The following TRRAP variants were observed in gnomAD, a reference collection of about 807,000 sequenced individuals.
TRRAP encodes the protein transformation/transcription domain associated protein.
A neutral mutation model predicts 438.8 loss-of-function variants in TRRAP; 41 were observed. The ratio of observed to expected loss-of-function variants is 0.09; its 90% CI spans 0.07 to 0.12. The LOEUF (loss-of-function observed/expected upper bound fraction) is 0.12, where lower values mean the gene tolerates loss of function less well. Ranked by LOEUF, TRRAP falls within the 10% of genes least tolerant of loss-of-function variation. TRRAP has a pLI of 1.00. For synonymous variants in TRRAP, 1,994 were observed against 1,962.9 expected (o/e 1.02, Z -0.42); for missense variants, 3,122 against 5,055.1 (o/e 0.62, Z 11.60).
Position 98,956,636 on chromosome 7 carries a change from G to A in TRRAP, c.6231+103G>A, listed in dbSNP as rs563480042. 428 of 1,503,618 alleles carry A rather than the reference G, an allele frequency of 2.8e-4. No individual in the cohort carries two copies. In the African/African-American group the frequency reaches 4.0e-3, roughly 14 times the overall value. The allele number at this position is 1,503,618 out of a possible 1,614,324, so 93.1% of individuals were successfully genotyped here. A position where few individuals can be genotyped will look rare whatever the true frequency, so the allele number is the denominator to read the frequency against. The stretch of plus-strand genomic sequence containing the variant: ...GAGCTCGGTGCTCAGCTGCATTCAG[G>A]AGAGGAAGCTGGGAACAGCCACGGT... On this transcript the variant is annotated intron_variant, in intron 43 of 72. Coordinates refer to ENST00000456197, the MANE Select transcript of TRRAP (RefSeq NM_001375524.1). The surrounding 1 kb of genome is among the most constrained non-coding windows in gnomAD (Gnocchi z 4.5).
At position 98,981,758 on chromosome 7, in the gene TRRAP, T is replaced by C. The variant is rs1419708693; in HGVS notation, c.8635-11T>C. On this transcript the variant is annotated splice_polypyrimidine_tract_variant and intron_variant, in intron 58 of 72. Transcript: ENST00000456197. The stretch of plus-strand genomic sequence containing the variant: ...CCCCTCACGTCCTGTGTCACGTTCT[T>C]TCACTGCCAGGTGGAAGTGAGCTGT... The C allele has an allele frequency of 1.3e-6, 2 of 1,595,292 alleles. No individual in the cohort carries two copies. The highest frequency in any genetic ancestry group is 3.5e-5 in the Admixed American group (2 of 56,824).
Position 98,990,458 on chromosome 7 carries a change from C to G in TRRAP, c.9595C>G (p.Leu3199Val), listed in dbSNP as rs779523193. Residue 3199 changes from leucine (L) to valine (V), a missense_variant, in exon 64 of 73, where the codon CTG (leucine) becomes GTG (valine). Physicochemically the swap from Leu to Val is conservative, Grantham distance 32. Transcript: ENST00000456197. ...AGAATTTCTCCTTCTGTCTCAGGTG[C>G]TGTGGCTTTTGAGTTTTGATGATGA... ...SKSRKYLAKV[L>V]WLLSFDDDKN... The G allele has an allele frequency of 1.9e-6, 3 of 1,612,446 alleles. No individual in the cohort carries two copies. The highest frequency in any genetic ancestry group is 1.7e-5 in the Admixed American group (1 of 59,990).
At chr7:99,003,426 A>G (rs1366502453) in intron 67 of TRRAP, among the ~76,000 whole-genome samples, 3 of 152,096 alleles carry the variant, frequency 2.0e-5, no homozygotes, top group African/African-American at 7.2e-5. Context: ...CAGCTTTGAC[A>G]CGAGACCTAG....
intron 65 of TRRAP, among the ~76,000 whole-genome samples, chr7:98,993,143 T>C (rs1038429368): frequency 6.6e-6 from 1 of 152,196 alleles, no homozygotes; most frequent in African/African-American, 2.4e-5. Context: ...GTGTAACAGA[T>C]TGTGAGATAT....
At chr7:98,965,507 C>T (rs1792111599) in intron 48 of TRRAP, among the ~76,000 whole-genome samples, 189 bp from the exon 49 acceptor site, 1 of 152,228 alleles carries the variant, frequency 6.6e-6, no homozygotes, top group East Asian at 1.9e-4. Flanking sequence ...CCTCTCCCTG[C>T]AGAGAGGGCT....
At chr7:98,927,822 T>C (rs1309573850) in intron 23 of TRRAP, among the ~76,000 whole-genome samples, 2 of 152,046 alleles carry the variant, frequency 1.3e-5, no homozygotes, top group Non-Finnish European at 2.9e-5. Flanking sequence ...CATTCTGCTG[T>C]TCCTCCTGCC....
chr7:98,959,392 C>T lies in TRRAP; in HGVS notation c.6391C>T (p.Arg2131Cys), dbSNP rs775335965. 111 of 1,614,022 alleles carry T rather than the reference C, an allele frequency of 6.9e-5. No individual in the cohort carries two copies. The highest frequency in any genetic ancestry group is 6.9e-5 in the Non-Finnish European group (81 of 1,180,046). Residue 2131 changes from arginine (R) to cysteine (C), a missense_variant, in exon 45 of 73, where the codon CGC becomes TGC. This residue lies in a region of TRRAP where 992 missense variants were observed against 1,281.2 expected (regional missense o/e 0.77). Coordinates refer to ENST00000456197, the MANE Select transcript of TRRAP (RefSeq NM_001375524.1). ...GGGGTCCCCTGGGGAGGTGCTCTCT[C>T]GCCGGTGTGTGAACCTTCTGAAGAC... Reference protein sequence around the residue: ...TAGSPGEVLSRRCVNLLKTAL... With the variant: ...TAGSPGEVLSCRCVNLLKTAL...
At chr7:98,936,769 GA>G (rs1554414352) in intron 28 of TRRAP, among the ~76,000 whole-genome samples, 2 of 152,154 alleles carry the variant, frequency 1.3e-5, no homozygotes, top group African/African-American at 4.8e-5. Context: ...CTTCTCATCT[GA>G]AGACGTAAGA....
At chr7:98,983,997 ATGTG>A in intron 60 of TRRAP, 92 bp from the exon 61 acceptor site, 1 of 1,400,888 alleles carries the variant, frequency 7.1e-7, no homozygotes, top group Non-Finnish European at 9.5e-7. Flanking sequence ...TTCATAAGCC[ATGTG>A]TGTGTGTGTT....
chr7:98,961,533 G>A (rs974295835), intron 46 of TRRAP, 59 bp downstream of exon 46: 2 of 1,579,768 alleles, frequency 1.3e-6, no homozygotes, highest in African/African-American at 1.3e-5. Flanking sequence ...CGCGGAGCTT[G>A]CTATGAGAGC....
chr7:98,940,573 A>G (rs1790755332), intron 30 of TRRAP, among the ~76,000 whole-genome samples: 1 of 152,150 alleles, frequency 6.6e-6, no homozygotes, highest in Non-Finnish European at 1.5e-5. Context: ...TAATGTCTGT[A>G]GTTTCTGACC....
chr7:98,911,873 C>T (rs1031716102), intron 17 of TRRAP, 149 bp from the exon 18 acceptor site: 2 of 654,628 alleles, frequency 3.1e-6, no homozygotes, highest in Admixed American at 3.0e-5. Context: ...TCAGTAAACC[C>T]GTTTCATTTT....
In TRRAP at chr7:98,978,278, C is replaced by G; in HGVS notation, c.8453C>G (p.Pro2818Arg). Residue 2818 changes from proline (P) to arginine (R), a missense_variant, in exon 57 of 73, where the codon CCT becomes CGT. Coordinates refer to ENST00000456197, the MANE Select transcript of TRRAP (RefSeq NM_001375524.1). ...GAACATGAGAGGAGTAACGCCTCCC[C>G]TGCTATTTTCCCTGAATACCAGCTC... ...KKEHERSNAS[P>R]AIFPEYQLWE... 1 of 1,614,174 alleles carries G rather than the reference C, an allele frequency of 6.2e-7. No individual in the cohort carries two copies. The highest frequency in any genetic ancestry group is 8.5e-7 in the Non-Finnish European group (1 of 1,180,042).
At chr7:98,882,570 T>G (rs1364701867) in intron 3 of TRRAP, among the ~76,000 whole-genome samples, 1 of 149,608 alleles carries the variant, frequency 6.7e-6, no homozygotes, top group Admixed American at 6.6e-5. Context: ...ACCATGTTGG[T>G]CAGGCTGGCC....
intron 30 of TRRAP, among the ~76,000 whole-genome samples, chr7:98,939,790 A>G (rs1488287008): frequency 1.3e-5 from 2 of 152,156 alleles, no homozygotes; most frequent in Non-Finnish European, 2.9e-5. Context: ...CAAATGTCCT[A>G]ATGCTTTTGT....
Position 98,967,166 on chromosome 7 carries a change from A to G in TRRAP, c.7298+4A>G, listed in dbSNP as rs781008855. 6.2e-7 allele frequency: 1 copy of G among 1,612,244 alleles called. No homozygotes were observed. The highest frequency in any genetic ancestry group is 8.5e-7 in the Non-Finnish European group (1 of 1,179,302). On this transcript the variant is annotated splice_donor_region_variant and intron_variant, in intron 50 of 72. Transcript: ENST00000456197. Reference sequence around the variant, plus strand: ...ATCTTGTTAACTATGTCTACAGGTAATTACAGCAATTAATCAAGTACTACA... The same window carrying G: ...ATCTTGTTAACTATGTCTACAGGTAGTTACAGCAATTAATCAAGTACTACA...
rs1790622854 is a variant in TRRAP, at chr7:98,937,838, A to G, written c.4404+18A>G. ...AGATGATGGTAAGCCAAATGCATTT[A>G]AACGCTCTGTAACAAACTTTCAAAA... On this transcript the variant is annotated intron_variant, in intron 30 of 72. Coordinates refer to ENST00000456197, the MANE Select transcript of TRRAP (RefSeq NM_001375524.1). 1 of 1,598,680 alleles carries G rather than the reference A, an allele frequency of 6.3e-7. No individual in the cohort carries two copies. The highest frequency in any genetic ancestry group is 1.4e-5 in the African/African-American group (1 of 73,974).
intron 67 of TRRAP, among the ~76,000 whole-genome samples, chr7:98,997,561 A>C (rs1308656853): frequency 1.3e-5 from 2 of 151,730 alleles, no homozygotes; most frequent in African/African-American, 2.4e-5. Context: ...AGATCTTTTA[A>C]AAGAATTCAG....
intron 63 of TRRAP, 86 bp from the exon 64 acceptor site, chr7:98,990,369 A>T: frequency 6.7e-7 from 1 of 1,496,010 alleles, no homozygotes; most frequent in Non-Finnish European, 9.2e-7. Context: ...GCCGCTCTAT[A>T]CAGTGTTGTA....
Sources: gnomAD v4.1 joint callset for allele counts (sites outside exome capture counted in the v4.1 genomes callset) on GRCh38, gnomAD v4.1.1 for gene constraint, gnomAD v4.1.1 regional missense constraint, Gnocchi (gnomAD v3.1) non-coding constraint, MANE v1.5 for transcripts, NCBI Gene and HGNC (gene_info 2026-07-23, HGNC 2026-07-21) for gene names.